ACAP3: variants seen among roughly 807,000 people sequenced by gnomAD.
ACAP3 encodes arf-GAP with coiled-coil, ANK repeat and PH domain-containing protein 3.
A neutral mutation model predicts 104.1 loss-of-function variants in ACAP3; 56 were observed. That is an observed-to-expected ratio of 0.54 (90% confidence interval 0.43 to 0.67). The LOEUF (loss-of-function observed/expected upper bound fraction) is 0.67, where lower values mean the gene tolerates loss of function less well. Among genes scored for constraint, ACAP3 ranks in the 30% least tolerant of loss-of-function variants. The pLI is 0.00. For missense variants in ACAP3, 1,208 were observed against 1,174.9 expected, an observed-to-expected ratio of 1.03 and a Z score of -0.41; for synonymous variants, 628 against 496.2, an observed-to-expected ratio of 1.27 and a Z score of -3.53.
intron 1 of ACAP3, 156 bp from the exon 2 acceptor site, chr1:1,304,299 G>A (rs1641585859): frequency 2.2e-6 from 2 of 907,264 alleles, no homozygotes; most frequent in Non-Finnish European, 3.3e-6. Flanking sequence ...GGGCAGGACT[G>A]GGACCAGGTT....
At chr1:1,306,704 A>G (rs3737717) in intron 1 of ACAP3, among the ~76,000 whole-genome samples, 11,733 of 152,294 alleles carry the variant, frequency 0.077, 1,433 homozygotes, top group East Asian at 0.56. Flanking sequence ...ACATGTGCAA[A>G]CATGTTCATG....
chr1:1,302,385 C>G (rs969884289), intron 4 of ACAP3, among the ~76,000 whole-genome samples: 1 of 152,166 alleles, frequency 6.6e-6, no homozygotes, highest in African/African-American at 2.4e-5. Flanking sequence ...AGCACTCAGC[C>G]AGAGCCGGGA....
intron 1 of ACAP3, chr1:1,307,279 C>T (rs1641771779): frequency 3.9e-6 from 5 of 1,288,608 alleles, no homozygotes; most frequent in East Asian, 5.6e-5. Context: ...TCTTCTCGGC[C>T]GCCACCCCTC....
At position 1,294,140 on chromosome 1, in the gene ACAP3, G is replaced by A. The variant is rs1195298413; in HGVS notation, c.2199C>T (p.Asp733=). Residue 733 remains aspartate, a synonymous_variant, in exon 22 of 24, where the codon GAC becomes GAT. Transcript: ENST00000354700. The stretch of plus-strand genomic sequence containing the variant: ...GGTGCAGGGGCGCCCGGCCCCGGCT[G>A]TCTCTTTGGTTCACGTCCGCTCCGT... ...LQNGADVNQR[D]SRGRAPLHHA... 2 of 1,595,438 alleles carry A rather than the reference G, an allele frequency of 1.3e-6. No individual in the cohort carries two copies. The highest frequency in any genetic ancestry group is 1.7e-6 in the Non-Finnish European group (2 of 1,171,348).
At chr1:1,296,751 C>A in intron 14 of ACAP3, 118 bp from the exon 15 acceptor site, 1 of 1,094,084 alleles carries the variant, frequency 9.1e-7, no homozygotes, top group African/African-American at 1.5e-5. Context: ...GAGCACACGC[C>A]CGCACACGCA....
chr1:1,302,867 G>T, intron 4 of ACAP3, 55 bp downstream of exon 4: 1 of 1,572,116 alleles, frequency 6.4e-7, no homozygotes, highest in Admixed American at 1.8e-5. Context: ...GTGAGCCAGC[G>T]CAGCTCGGTT....
Position 1,302,923 on chromosome 1 carries a change from A to C in ACAP3, c.278T>G (p.Met93Arg). The C allele has an allele frequency of 6.2e-7, 1 of 1,609,888 alleles. No individual in the cohort carries two copies. The highest frequency in any genetic ancestry group is 8.5e-7 in the Non-Finnish European group (1 of 1,178,720). Residue 93 changes from methionine to arginine, a missense_variant and splice_region_variant, in exon 4 of 24, where the codon ATG becomes AGG. Transcript: ENST00000354700. ...DSLQEVVNYH[M>R]ILFDQAQRSV... Reference sequence around the variant, plus strand: ...AGGTGGCAGGGAGGCCGCGCTCACCATGTGGTAGTTCACCACCTCCTGTAG... The same window carrying C: ...AGGTGGCAGGGAGGCCGCGCTCACCCTGTGGTAGTTCACCACCTCCTGTAG...
intron 19 of ACAP3, chr1:1,295,126 TG>T (rs1476079754): frequency 7.2e-6 from 4 of 552,594 alleles, no homozygotes; most frequent in Non-Finnish European, 1.3e-5. Context: ...TGGCCCAGGC[TG>T]AAATGTCTCC....
In ACAP3 at chr1:1,297,829, T is replaced by C. The variant is rs1340866539; in HGVS notation, c.1121A>G (p.Tyr374Cys). ...GGGCACCAAGGGCCACACCTCGCTA[T>C]AGCAACTGTCAGGGCTCTCGCGGTA... ...SAYRESPDSCYSERLDRTASP... is the reference protein window; with the variant it reads ...SAYRESPDSCCSERLDRTASP... Residue 374 changes from tyrosine to cysteine, a missense_variant, in exon 14 of 24, where the codon TAT becomes TGT. By Grantham distance (194) the Tyr-to-Cys change is radical. Transcript: ENST00000354700. 1.9e-6 allele frequency: 3 copies of C among 1,611,138 alleles called. No homozygotes were observed. The highest frequency in any genetic ancestry group is 1.3e-5 in the African/African-American group (1 of 74,960).
intron 9 of ACAP3, 127 bp from the exon 10 acceptor site, chr1:1,299,483 G>A: frequency 1.7e-6 from 2 of 1,183,286 alleles, no homozygotes; most frequent in Non-Finnish European, 2.3e-6. Context: ...CTCCTGGGGG[G>A]CTCTCCCCTA....
chr1:1,294,659 C>A (rs974061363), intron 20 of ACAP3, 31 bp from the exon 21 acceptor site: 1 of 1,535,804 alleles, frequency 6.5e-7, no homozygotes, highest in Non-Finnish European at 8.8e-7. Context: ...GGGAAAGCAA[C>A]CCCCGGGGCT....
At chr1:1,299,223 G>A (rs973116249) in intron 10 of ACAP3, 122 bp downstream of exon 10, 10 of 1,293,866 alleles carry the variant, frequency 7.7e-6, no homozygotes, top group African/African-American at 4.5e-5. Flanking sequence ...ATCAGCAGCA[G>A]GAGCCGAGAC....
chr1:1,304,329 C>T, intron 1 of ACAP3, 186 bp from the exon 2 acceptor site: 2 of 685,716 alleles, frequency 2.9e-6, no homozygotes, highest in South Asian at 3.8e-5. Flanking sequence ...TCCCCCCGCC[C>T]CCCCAACCCC....
Position 1,307,893 on chromosome 1 carries a change from CCCGCCCGCGCCGCCTCG to C in ACAP3, c.-95_-79del. The C allele has an allele frequency of 1.2e-6, 1 of 850,522 alleles. No homozygotes were observed. Among genetic ancestry groups the C allele is most frequent in the Non-Finnish European group, 1.4e-6 (1 of 708,230 alleles). The allele number at this position is 850,522 out of a possible 1,614,324, so 52.7% of individuals were successfully genotyped here. The stretch of plus-strand genomic sequence containing the variant: ...AGCCGCGCCGGCCCGGACCGCTCGT[CCCGCCCGCGCCGCCTCG>C]GCGCCCGCCCGCCCCGGAATGAGGC... On this transcript the variant is annotated 5_prime_UTR_variant, in exon 1 of 24. Transcript: ENST00000354700.
At position 1,296,211 on chromosome 1, in the gene ACAP3, C is replaced by G; in HGVS notation, c.1407G>C (p.Lys469Asn). Residue 469 changes from lysine to asparagine, a missense_variant and splice_region_variant, in exon 16 of 24, where the codon AAG becomes AAC. By Grantham distance (94) the Lys-to-Asn change is moderately conservative. Coordinates refer to ENST00000354700, the MANE Select transcript of ACAP3 (RefSeq NM_030649.3). ...TGGCCTCCAGGAGCCCCACACGCAC[C>G]TTTAGCAGCTCAGGCTCCCACGAGT... The part of the protein sequence containing the change: ...TLDSWEPELL[K>N]LMCELGNSAV... 3 of 1,576,606 alleles carry G rather than the reference C, an allele frequency of 1.9e-6. No homozygotes were observed. Among genetic ancestry groups the G allele is most frequent in the Non-Finnish European group, 2.6e-6 (3 of 1,160,572 alleles).
chr1:1,294,485 C>A lies in ACAP3; in HGVS notation c.2056G>T (p.Ala686Ser). 6.5e-7 allele frequency: 1 copy of A among 1,546,824 alleles called. No individual in the cohort carries two copies. The highest frequency in any genetic ancestry group is 1.2e-5 in the South Asian group (1 of 84,776). ...ARARDLPALA[A>S]ALAHGAEVNW... ...ACCTCGGCCCCGTGGGCCAGCGCCGCCGCCAGCGCAGGAAGGTCGCGGGCA... is the reference window on the plus strand; with the variant it reads ...ACCTCGGCCCCGTGGGCCAGCGCCGACGCCAGCGCAGGAAGGTCGCGGGCA... Residue 686 changes from alanine (A) to serine (S), a missense_variant, in exon 21 of 24, where the codon GCG (alanine) becomes TCG (serine). Ala to Ser is a moderately conservative substitution (Grantham distance 99). Transcript: ENST00000354700.
chr1:1,297,994 C>A lies in ACAP3; in HGVS notation c.1016+19G>T. The A allele has an allele frequency of 6.2e-7, 1 of 1,611,606 alleles. No individual in the cohort carries two copies. The highest frequency in any genetic ancestry group is 2.2e-5 in the East Asian group (1 of 44,818). On this transcript the variant is annotated intron_variant, in intron 13 of 23. Transcript: ENST00000354700. ...GGGCAGGTACGCCCCCCGCCCCACC[C>A]TGGGCTGGGCCTCCTCACTTGGTGG... is the stretch of plus-strand genomic sequence containing the variant.
At chr1:1,294,919 C>A in intron 19 of ACAP3, 103 bp from the exon 20 acceptor site, 1 of 1,205,180 alleles carries the variant, frequency 8.3e-7, no homozygotes, top group Admixed American at 2.3e-5. Flanking sequence ...GGGGCCACCC[C>A]TAGGGACAGG....
Position 1,295,927 on chromosome 1 carries a change from T to G in ACAP3, c.1514A>C (p.Glu505Ala), listed in dbSNP as rs1641119093. Residue 505 changes from glutamate (E) to alanine (A), a missense_variant, in exon 18 of 24, where the codon GAG becomes GCG. Transcript: ENST00000354700. ...CACGTATTTGTCCTTGATCCAGGCCTCCTTGTCCTGCCTGGACCAGGGGGG... is the reference window on the plus strand; with the variant it reads ...CACGTATTTGTCCTTGATCCAGGCCGCCTTGTCCTGCCTGGACCAGGGGGG... ...PTASSSRQDKEAWIKDKYVEK... is the reference protein window; with the variant it reads ...PTASSSRQDKAAWIKDKYVEK... 1 of 1,612,490 alleles carries G rather than the reference T, an allele frequency of 6.2e-7. No homozygotes were observed.
Sources: allele counts gnomAD v4.1 joint callset (sites outside exome capture counted in the v4.1 genomes callset), GRCh38; gene constraint gnomAD v4.1.1; transcripts MANE v1.5; gene names NCBI Gene and HGNC (gene_info 2026-07-23, HGNC 2026-07-21).